The following KRT79 variants were observed in gnomAD, a reference collection of about 807,000 sequenced individuals.
The protein encoded by KRT79 is keratin, type II cytoskeletal 79.
Under a neutral mutation model 49.0 loss-of-function variants are expected in KRT79, and 51 were observed. The ratio of observed to expected loss-of-function variants is 1.04; its 90% CI spans 0.83 to 1.31. The LOEUF (loss-of-function observed/expected upper bound fraction) is 1.31, where lower values mean the gene tolerates loss of function less well. Ranked by LOEUF, KRT79 falls within the 40% of genes most tolerant of loss-of-function variation. The pLI is 0.00. For synonymous variants in KRT79, 312 were observed against 286.6 expected (o/e 1.09, Z -0.90); for missense variants, 728 against 688.0 (o/e 1.06, Z -0.65).
Position 52,823,219 on chromosome 12 carries a change from C to T in KRT79, c.1164G>A (p.Thr388=), listed in dbSNP as rs748270759. The change falls in exon 7 of 9, where the codon ACG becomes ACA. Residue 388 remains threonine (T), a synonymous_variant. Transcript: ENST00000330553. The stretch of plus-strand genomic sequence containing the variant: ...CACGCTGCTCCGCTTCCGCAATGGC[C>T]GTCTGCAGCTGCTGACACTGCCCAG... The part of the protein sequence containing the change: ...AAKKQCQQLQ[T]AIAEAEQRGE... 23 of 1,614,052 alleles carry T rather than the reference C, an allele frequency of 1.4e-5. No individual in the cohort carries two copies. In the Admixed American group the frequency reaches 2.3e-4, roughly 16 times the overall value.
intron 8 of KRT79, 76 bp downstream of exon 8, chr12:52,822,269 G>T: frequency 6.8e-7 from 1 of 1,474,916 alleles, no homozygotes; most frequent in South Asian, 1.2e-5. Flanking sequence ...TTTAGGACAG[G>T]TACAGGTTGC....
chr12:52,827,444 A>G (rs551549374), intron 4 of KRT79, among the ~76,000 whole-genome samples: 59 of 152,334 alleles, frequency 3.9e-4, no homozygotes, highest in Non-Finnish European at 6.3e-4. Flanking sequence ...AAACATTCAG[A>G]AAAGAGGGGG....
intron 6 of KRT79, among the ~76,000 whole-genome samples, chr12:52,823,639 A>T (rs1261572888): frequency 1.3e-5 from 2 of 151,986 alleles, no homozygotes; most frequent in Non-Finnish European, 2.9e-5. Context: ...CTTCCTGGAG[A>T]TGGGATGGAT....
At chr12:52,833,683 C>A in intron 1 of KRT79, 101 bp downstream of exon 1, 1 of 938,534 alleles carries the variant, frequency 1.1e-6, no homozygotes, top group Admixed American at 1.7e-5. Flanking sequence ...CAACCACCAC[C>A]CTAGTACAAG....
Position 52,822,531 on chromosome 12 carries a change from C to T in KRT79, c.1368-152G>A, listed in dbSNP as rs73305805. The stretch of plus-strand genomic sequence containing the variant: ...GAGAAGTATGTGTATAGGGCTGTGC[C>T]CAGGTCCAAAAGCCAGTGCTGCAGA... On this transcript the variant is annotated intron_variant, in intron 7 of 8. Transcript: ENST00000330553. 1,386 of 638,516 alleles carry T rather than the reference C, an allele frequency of 2.2e-3. 14 individuals carry two copies. The African/African-American group carries it at 0.023, about 11-fold the overall frequency. The allele number at this position is 638,516 out of a possible 1,614,324, so 39.6% of individuals were successfully genotyped here.
Position 52,821,933 on chromosome 12 carries a change from G to T in KRT79, c.1547C>A (p.Ser516Tyr). ...GYSTVKGGPV[S>Y]AGTSILRKTT... ...CTTCCGCAGGATGGAGGTGCCCGCA[G>T]AGACTGGCCCTCCCTTGACGGTGCT... The change falls in exon 9 of 9, where the codon TCT becomes TAT. Residue 516 changes from serine (S) to tyrosine (Y), a missense_variant. Transcript: ENST00000330553. 1 of 1,614,154 alleles carries T rather than the reference G, an allele frequency of 6.2e-7. No homozygotes were observed. The highest frequency in any genetic ancestry group is 8.5e-7 in the Non-Finnish European group (1 of 1,180,028).
chr12:52,828,762 A>G (rs571322003), intron 4 of KRT79, among the ~76,000 whole-genome samples: 19 of 152,252 alleles, frequency 1.2e-4, no homozygotes, highest in Non-Finnish European at 2.6e-4. Flanking sequence ...AAACTAGTGC[A>G]CTATTAGGCT....
chr12:52,831,056 G>A (rs959691290), intron 2 of KRT79, among the ~76,000 whole-genome samples: 3 of 151,482 alleles, frequency 2.0e-5, no homozygotes, highest in African/African-American at 7.3e-5. Context: ...ATCAGAACAC[G>A]TAGAAAAAGG....
intron 6 of KRT79, 26 bp from the exon 7 acceptor site, chr12:52,823,262 A>G (rs1592316090): frequency 6.3e-7 from 1 of 1,597,924 alleles, no homozygotes; most frequent in Non-Finnish European, 8.6e-7. Flanking sequence ...AGGTGTTGGA[A>G]GCACCCTCCG....
intron 4 of KRT79, among the ~76,000 whole-genome samples, chr12:52,826,382 G>T (rs10783542): frequency 6.6e-6 from 1 of 151,676 alleles, no homozygotes; most frequent in South Asian, 2.1e-4. Flanking sequence ...GCATGGTGAC[G>T]TGCGCCTGTA....
chr12:52,826,045 C>G (rs1940170551), intron 4 of KRT79, among the ~76,000 whole-genome samples: 1 of 151,678 alleles, frequency 6.6e-6, no homozygotes, highest in African/African-American at 2.4e-5. Context: ...TGCTTTGTCT[C>G]CTTCCCCACC....
chr12:52,823,042 G>A lies in KRT79; in HGVS notation c.1341C>T (p.Arg447=). 2 of 1,614,104 alleles carry A rather than the reference G, an allele frequency of 1.2e-6. No individual in the cohort carries two copies. The highest frequency in any genetic ancestry group is 8.5e-7 in the Non-Finnish European group (1 of 1,180,018). The change falls in exon 7 of 9, where the codon CGC becomes CGT. Residue 447 remains arginine, a synonymous_variant. Coordinates refer to ENST00000330553, the MANE Select transcript of KRT79 (RefSeq NM_175834.3). Reference sequence around the variant, plus strand: ...TGCTCTCCTCGCTCTCCAGAAGCTTGCGGTAGGTGGCAATCTCCACGTCCA... The same window carrying A: ...TGCTCTCCTCGCTCTCCAGAAGCTTACGGTAGGTGGCAATCTCCACGTCCA... ...LALDVEIATY[R]KLLESEESRM... is the part of the protein sequence containing the mutation.
At chr12:52,827,217 GAA>G (rs1345710896) in intron 4 of KRT79, among the ~76,000 whole-genome samples, 1 of 115,342 alleles carries the variant, frequency 8.7e-6, no homozygotes, top group African/African-American at 3.9e-5. Flanking sequence ...GCCCTCCCAG[GAA>G]GGGTCAGCCA....
chr12:52,830,150 G>T, intron 3 of KRT79, 32 bp from the exon 4 acceptor site: 1 of 1,611,436 alleles, frequency 6.2e-7, no homozygotes. Context: ...AGATCCTCAG[G>T]CCCCAGGGAT....
chr12:52,832,297 T>A (rs1395264756), intron 1 of KRT79, among the ~76,000 whole-genome samples: 1 of 152,056 alleles, frequency 6.6e-6, no homozygotes, highest in Non-Finnish European at 1.5e-5. Context: ...TTAAGAAAAT[T>A]GGTGAACTGG....
chr12:52,822,916 G>C, intron 7 of KRT79, 100 bp downstream of exon 7: 1 of 1,203,310 alleles, frequency 8.3e-7, no homozygotes. Flanking sequence ...CTTGCTCCCT[G>C]GTTCCTCTCT....
At chr12:52,831,378 A>C in intron 2 of KRT79, 28 bp downstream of exon 2, 1 of 1,606,482 alleles carries the variant, frequency 6.2e-7, no homozygotes, top group South Asian at 1.1e-5. Context: ...TCACTCCCAC[A>C]TGGCCCCGCC....
At chr12:52,822,949 A>C (rs1940116111) in intron 7 of KRT79, 67 bp downstream of exon 7, 5 of 1,501,872 alleles carry the variant, frequency 3.3e-6, no homozygotes, top group Non-Finnish European at 4.5e-6. Flanking sequence ...CCCGGAGCAG[A>C]CTCCCTGGGC....
intron 6 of KRT79, 37 bp downstream of exon 6, chr12:52,823,850 C>T: frequency 6.3e-7 from 1 of 1,598,638 alleles, no homozygotes; most frequent in South Asian, 1.1e-5. Context: ...CCTGCCAACA[C>T]CTAGGCCAGA....
Sources: allele counts gnomAD v4.1 joint callset (sites outside exome capture counted in the v4.1 genomes callset), GRCh38; gene constraint gnomAD v4.1.1; transcripts MANE v1.5; gene names NCBI Gene and HGNC (gene_info 2026-07-23, HGNC 2026-07-21).